The following ELOC variants were observed in gnomAD, a reference collection of about 807,000 sequenced individuals.
ELOC encodes the protein elongin-C.
For synonymous variants in ELOC, 40 were observed against 51.3 expected, an observed-to-expected ratio of 0.78 and a Z score of 0.94; for missense variants, 38 against 139.0, an observed-to-expected ratio of 0.27 and a Z score of 3.65.
chr8:73,958,157 G>A (rs551513065), intron 2 of ELOC, among the ~76,000 whole-genome samples: 3 of 149,016 alleles, frequency 2.0e-5, no homozygotes, highest in Middle Eastern at 3.4e-3. Context: ...GTGCAGTGGC[G>A]CAATCATGGC....
intron 1 of ELOC, among the ~76,000 whole-genome samples, chr8:73,962,248 T>C (rs1221650548): frequency 6.6e-6 from 1 of 152,166 alleles, no homozygotes; most frequent in Non-Finnish European, 1.5e-5. Flanking sequence ...ATTTTAGAGA[T>C]GAGAAACACT....
chr8:73,953,506 G>A (rs575405660), intron 3 of ELOC, among the ~76,000 whole-genome samples: 3 of 151,538 alleles, frequency 2.0e-5, no homozygotes, highest in Admixed American at 6.6e-5. Context: ...GAGAAACCCC[G>A]TCTCCACTAA....
intron 3 of ELOC, among the ~76,000 whole-genome samples, chr8:73,953,451 C>T (rs76997286): frequency 6.6e-6 from 1 of 152,062 alleles, no homozygotes; most frequent in Non-Finnish European, 1.5e-5. Context: ...CTGAGGCGGG[C>T]GGGTCACCTG....
At chr8:73,954,754 G>A (rs554313004) in intron 3 of ELOC, among the ~76,000 whole-genome samples, 8 of 151,658 alleles carry the variant, frequency 5.3e-5, no homozygotes, top group South Asian at 2.1e-4. Flanking sequence ...ACTATGGGCC[G>A]GGCGCAGTGG....
intron 1 of ELOC, among the ~76,000 whole-genome samples, chr8:73,964,112 A>AAT (rs1814801219): frequency 6.6e-6 from 1 of 150,804 alleles, no homozygotes; most frequent in Non-Finnish European, 1.5e-5. Flanking sequence ...AAAAAAAAAA[A>AAT]AGTATTACAT....
chr8:73,968,164 T>C (rs1815116487), intron 1 of ELOC, among the ~76,000 whole-genome samples: 1 of 152,246 alleles, frequency 6.6e-6, no homozygotes, highest in African/African-American at 2.4e-5. Flanking sequence ...TTGACATTTC[T>C]ATCTTGAGAC....
chr8:73,959,723 T>C, intron 2 of ELOC, 42 bp downstream of exon 2: 1 of 1,494,102 alleles, frequency 6.7e-7, no homozygotes, highest in Non-Finnish European at 9.0e-7. Flanking sequence ...CAAAGTCCAG[T>C]TTCTACTAGT....
chr8:73,955,692 C>A, intron 3 of ELOC: 1 of 519,108 alleles, frequency 1.9e-6, no homozygotes. Flanking sequence ...CTGAACCCAG[C>A]AGGCGGAGAT....
intron 3 of ELOC, among the ~76,000 whole-genome samples, chr8:73,948,713 TA>T (rs1457907285): frequency 6.6e-6 from 1 of 152,186 alleles, no homozygotes; most frequent in Non-Finnish European, 1.5e-5. Flanking sequence ...GACCTACTTG[TA>T]GTCTCAGCTA....
chr8:73,951,598 C>T (rs574132793), intron 3 of ELOC, among the ~76,000 whole-genome samples: 1 of 152,016 alleles, frequency 6.6e-6, no homozygotes, highest in South Asian at 2.1e-4. Context: ...ACACTCCAGC[C>T]TGGGCAACAA....
At chr8:73,947,544 T>C (rs979204562) in intron 3 of ELOC, among the ~76,000 whole-genome samples, 6 of 152,156 alleles carry the variant, frequency 3.9e-5, no homozygotes, top group East Asian at 3.9e-4. Context: ...AAATGAATTA[T>C]GGAATTCTGA....
At chr8:73,967,502 T>C (rs1388246281) in intron 1 of ELOC, among the ~76,000 whole-genome samples, 3 of 150,618 alleles carry the variant, frequency 2.0e-5, no homozygotes, top group Non-Finnish European at 4.4e-5. Flanking sequence ...AGTTTCGCTC[T>C]TGTTACCCAG....
chr8:73,966,148 A>C (rs1346369447), intron 1 of ELOC, among the ~76,000 whole-genome samples: 1 of 152,196 alleles, frequency 6.6e-6, no homozygotes, highest in Non-Finnish European at 1.5e-5. Context: ...CTAGATGCTC[A>C]CCTAGGCACT....
chr8:73,960,292 T>C (rs745815300), intron 1 of ELOC, among the ~76,000 whole-genome samples: 9 of 152,178 alleles, frequency 5.9e-5, no homozygotes, highest in Non-Finnish European at 1.3e-4. Flanking sequence ...ATGGGTCCTG[T>C]TGTATAATAA....
intron 3 of ELOC, among the ~76,000 whole-genome samples, chr8:73,951,682 A>AACAAC (rs1813775773): frequency 7.9e-6 from 1 of 126,006 alleles, no homozygotes; most frequent in Non-Finnish European, 1.7e-5. Context: ...ACAACAACAA[A>AACAAC]ACAACAGACA....
In ELOC at chr8:73,956,074, GAAAC is replaced by G; in HGVS notation, c.5-24_5-21del. ...CTCCATCTAAAGTAAAGTAAGTAGT[GAAAC>G]AATTTTTGAGTCACACAGTGTACTA... On this transcript the variant is annotated intron_variant, in intron 2 of 3. Coordinates refer to ENST00000520242, the MANE Select transcript of ELOC (RefSeq NM_005648.4). 1.2e-6 allele frequency: 2 copies of G among 1,604,014 alleles called. No homozygotes were observed. Among genetic ancestry groups the G allele is most frequent in the Non-Finnish European group, 1.7e-6 (2 of 1,172,510 alleles).
intron 1 of ELOC, among the ~76,000 whole-genome samples, chr8:73,967,099 A>G (rs1815034384): frequency 6.6e-6 from 1 of 152,204 alleles, no homozygotes; most frequent in Non-Finnish European, 1.5e-5. Context: ...TGCCTAGCAC[A>G]CATTAAAACA....
chr8:73,956,913 G>A (rs539755186), intron 2 of ELOC, among the ~76,000 whole-genome samples: 2 of 152,066 alleles, frequency 1.3e-5, no homozygotes, highest in East Asian at 1.9e-4. Flanking sequence ...AGGCCAAGGC[G>A]GGTGGATCAC....
intron 2 of ELOC, among the ~76,000 whole-genome samples, chr8:73,958,694 T>C (rs533420646): frequency 4.6e-5 from 7 of 152,346 alleles, no homozygotes; most frequent in South Asian, 2.1e-4. Flanking sequence ...ACAGAAAACA[T>C]TGTATGTTTG....
Sources: allele counts gnomAD v4.1 joint callset (sites outside exome capture counted in the v4.1 genomes callset), GRCh38; gene constraint gnomAD v4.1.1; transcripts MANE v1.5; gene names NCBI Gene and HGNC (gene_info 2026-07-23, HGNC 2026-07-21).